Variants in MACROD2 observed in about 807,000 individuals in gnomAD.
MACROD2 encodes the protein mono-ADP ribosylhydrolase 2.
In MACROD2, 36 loss-of-function variants were observed where a neutral mutation model predicts 70.4. The observed-to-expected ratio is 0.51, with a 90% CI of 0.39 to 0.68. MACROD2 has a LOEUF of 0.68. Ranked by LOEUF, MACROD2 falls within the 30% of genes least tolerant of loss-of-function variation. MACROD2 has a pLI of 0.00. For missense variants in MACROD2, 496 were observed against 538.4 expected (o/e 0.92, Z 0.78); for synonymous variants, 172 against 178.8 (o/e 0.96, Z 0.30).
intron 3 of MACROD2, among the ~76,000 whole-genome samples, chr20:14,314,726 C>G (rs1022237263): frequency 1.3e-5 from 2 of 151,918 alleles, no homozygotes; most frequent in Non-Finnish European, 2.9e-5. Flanking sequence ...CGCCATTGCA[C>G]TCCTGCCTGG....
Position 15,220,728 on chromosome 20 carries a change from T to C in MACROD2, c.419-9212T>C, listed in dbSNP as rs1190537741. Among the ~76,000 whole-genome samples the C allele has an allele frequency of 4.6e-5, 7 of 152,250 alleles. No individual in the cohort carries two copies. In the South Asian group the frequency reaches 1.2e-3, roughly 27 times the overall value. ...CGAAATTCTTCACAGTGTAGGAATC[T>C]CCATGAGAAACTATTTCATAAGAAG... On this transcript the variant is annotated intron_variant, in intron 5 of 17. Transcript: ENST00000684519.
At chr20:14,820,242 A>C (rs914067344) in intron 5 of MACROD2, among the ~76,000 whole-genome samples, 6 of 151,998 alleles carry the variant, frequency 3.9e-5, no homozygotes, top group Admixed American at 3.9e-4. Flanking sequence ...GCCTACTTCT[A>C]TCTGCCGGCC....
intron 3 of MACROD2, among the ~76,000 whole-genome samples, chr20:14,167,636 C>A (rs2081183308): frequency 6.6e-6 from 1 of 151,982 alleles, no homozygotes; most frequent in African/African-American, 2.4e-5. Flanking sequence ...GTGATCCACC[C>A]ACCTCGGCCT....
Position 14,958,864 on chromosome 20 carries a change from A to G in MACROD2, c.419-271076A>G, listed in dbSNP as rs80118570. 0.011 allele frequency among the ~76,000 whole-genome samples: 1,604 copies of G among 152,146 alleles called. 137 individuals are homozygous for G. The East Asian group carries it at 0.21, about 20-fold the overall frequency. ...AGGTAGGCTTGGGGTGGGGCTTGAA[A>G]ATTTGCATTTCTAACACACTCCCAG... On this transcript the variant is annotated intron_variant, in intron 5 of 17. Transcript: ENST00000684519.
intron 2 of MACROD2, among the ~76,000 whole-genome samples, chr20:14,040,377 AAG>A (rs1236649176): frequency 6.6e-6 from 1 of 152,200 alleles, no homozygotes; most frequent in African/African-American, 2.4e-5. Flanking sequence ...TAAAAGAAAA[AAG>A]GTATAATTTT....
In MACROD2 at chr20:16,026,068, G is replaced by T. The variant is rs191748807; in HGVS notation, c.1154-15133G>T. Among the ~76,000 whole-genome samples the T allele has an allele frequency of 5.3e-3, 803 of 152,042 alleles. 7 individuals carry two copies. Among genetic ancestry groups the T allele is most frequent in the African/African-American group, 0.018 (729 of 41,456 alleles). ...CTGGGGAGGCTGAGGCAGGAGAATC[G>T]CTTGAACCCAGGAGGTGAAGGTTGC... is the stretch of plus-strand genomic sequence containing the variant. On this transcript the variant is annotated intron_variant, in intron 15 of 17. Transcript: ENST00000684519.
At chr20:15,745,795 A>G (rs1352868991) in intron 8 of MACROD2, among the ~76,000 whole-genome samples, 3 of 152,036 alleles carry the variant, frequency 2.0e-5, no homozygotes, top group Non-Finnish European at 2.9e-5. Context: ...TTCCAGCATA[A>G]TATATTGAAA....
intron 5 of MACROD2, among the ~76,000 whole-genome samples, chr20:15,130,632 T>C (rs1212907379): frequency 6.6e-6 from 1 of 151,822 alleles, no homozygotes; most frequent in Non-Finnish European, 1.5e-5. Context: ...CCAAAAACAG[T>C]CAAAGCTAAT....
At chr20:15,891,218 G>C (rs2064885146) in intron 10 of MACROD2, among the ~76,000 whole-genome samples, 1 of 152,142 alleles carries the variant, frequency 6.6e-6, no homozygotes, top group Non-Finnish European at 1.5e-5. Flanking sequence ...TGTGTTGGAG[G>C]AGTGGGGGTG....
intron 7 of MACROD2, among the ~76,000 whole-genome samples, chr20:15,437,936 A>G (rs1275422604): frequency 1.3e-5 from 2 of 151,860 alleles, no homozygotes; most frequent in African/African-American, 2.4e-5. Flanking sequence ...TGTCTTTGCT[A>G]TTGTGAATAG....
chr20:14,415,128 A>G (rs1027338565), intron 3 of MACROD2, among the ~76,000 whole-genome samples: 9 of 152,196 alleles, frequency 5.9e-5, no homozygotes, highest in Non-Finnish European at 1.3e-4. Flanking sequence ...TGTTGAAGGA[A>G]TCAATGAATG....
intron 3 of MACROD2, among the ~76,000 whole-genome samples, chr20:14,141,208 T>A (rs2054868716): frequency 6.6e-6 from 1 of 152,178 alleles, no homozygotes; most frequent in Non-Finnish European, 1.5e-5. Context: ...TAATTCCTCA[T>A]TTATCCATTA....
At chr20:14,384,927 A>G (rs1383639356) in intron 3 of MACROD2, among the ~76,000 whole-genome samples, 3 of 152,096 alleles carry the variant, frequency 2.0e-5, no homozygotes, top group Non-Finnish European at 4.4e-5. Context: ...TTTTCACAGT[A>G]ATTATAAATC....
At chr20:14,276,648 T>G (rs2082260444) in intron 3 of MACROD2, among the ~76,000 whole-genome samples, 1 of 151,782 alleles carries the variant, frequency 6.6e-6, no homozygotes, top group Admixed American at 6.6e-5. Context: ...TAAAATAAAA[T>G]AAGACACTTC....
intron 5 of MACROD2, among the ~76,000 whole-genome samples, chr20:14,987,688 A>G (rs932280005): frequency 3.9e-5 from 6 of 152,148 alleles, no homozygotes; most frequent in Non-Finnish European, 7.4e-5. Flanking sequence ...CTGTAGACAC[A>G]TTTCATAGTT....
intron 3 of MACROD2, among the ~76,000 whole-genome samples, chr20:14,457,638 T>C (rs2084318878): frequency 6.6e-6 from 1 of 152,098 alleles, no homozygotes; most frequent in African/African-American, 2.4e-5. Flanking sequence ...ATCAAATATG[T>C]GTCCAATGAG....
At chr20:15,401,524 C>T (rs1305196190) in intron 6 of MACROD2, among the ~76,000 whole-genome samples, 1 of 152,136 alleles carries the variant, frequency 6.6e-6, no homozygotes, top group Non-Finnish European at 1.5e-5. Flanking sequence ...AGCCTGGGTG[C>T]AATTACAGAA....
intron 10 of MACROD2, among the ~76,000 whole-genome samples, chr20:15,928,260 C>T (rs1048712227): frequency 2.0e-5 from 3 of 152,162 alleles, no homozygotes; most frequent in African/African-American, 7.2e-5. Flanking sequence ...CCTGTTCTTG[C>T]AACATTCTGT....
At chr20:14,240,513 A>T (rs376535222) in intron 3 of MACROD2, among the ~76,000 whole-genome samples, 1 of 152,190 alleles carries the variant, frequency 6.6e-6, no homozygotes, top group South Asian at 2.1e-4. Context: ...CAGCCCCCCA[A>T]AATGGATGAG....
Sources: allele counts gnomAD v4.1 joint callset (sites outside exome capture counted in the v4.1 genomes callset), GRCh38; gene constraint gnomAD v4.1.1; transcripts MANE v1.5; gene names NCBI Gene and HGNC (gene_info 2026-07-23, HGNC 2026-07-21).